The following MTUS2 variants were observed in gnomAD, a reference collection of about 807,000 sequenced individuals.
MTUS2 encodes the protein microtubule associated scaffold protein 2.
MTUS2 carries 40 observed loss-of-function variants against 114.1 expected under a neutral mutation model. That is an observed-to-expected ratio of 0.35 (90% CI 0.27 to 0.46). The LOEUF (loss-of-function observed/expected upper bound fraction) is 0.46. MTUS2 is among the 20% of genes least tolerant of loss of function. MTUS2 has a pLI of 1.00. For synonymous variants in MTUS2, 688 were observed against 672.0 expected (o/e 1.02, Z -0.37); for missense variants, 1,679 against 1,705.4 (o/e 0.98, Z 0.27).
chr13:28,826,256 C>G (rs1282498328), intron 1 of MTUS2, among the ~76,000 whole-genome samples: 1 of 151,856 alleles, frequency 6.6e-6, no homozygotes, highest in East Asian at 1.9e-4. Context: ...GTAAATAAAT[C>G]AATAAATTTA....
At chr13:29,194,913 C>T (rs1894614970) in intron 5 of MTUS2, among the ~76,000 whole-genome samples, 1 of 148,696 alleles carries the variant, frequency 6.7e-6, no homozygotes, top group Non-Finnish European at 1.5e-5. Flanking sequence ...TACTATGCAG[C>T]CATAAAAAAT....
intron 4 of MTUS2, among the ~76,000 whole-genome samples, chr13:29,058,895 T>G (rs376862590): frequency 1.3e-5 from 2 of 152,182 alleles, no homozygotes. Context: ...TTGAAGTGAA[T>G]TTTTCAGCTT....
intron 6 of MTUS2, among the ~76,000 whole-genome samples, chr13:29,287,798 G>C (rs1353873619): frequency 1.3e-5 from 2 of 152,210 alleles, no homozygotes; most frequent in African/African-American, 4.8e-5. Context: ...TCAGTGATGA[G>C]GTTAGCGGGT....
intron 7 of MTUS2, among the ~76,000 whole-genome samples, chr13:29,350,154 T>G (rs928254903): frequency 1.3e-5 from 2 of 152,106 alleles, no homozygotes; most frequent in African/African-American, 4.8e-5. Flanking sequence ...TAACATTTAT[T>G]TACTAACTTA....
chr13:29,484,845 G>A (rs1195875418), intron 10 of MTUS2: 2 of 152,254 alleles, frequency 1.3e-5, no homozygotes, highest in African/African-American at 4.8e-5. Flanking sequence ...GCTAAATGAA[G>A]TCAACCCACA....
At chr13:29,466,967 A>T (rs1879939789) in intron 9 of MTUS2, among the ~76,000 whole-genome samples, 1 of 152,164 alleles carries the variant, frequency 6.6e-6, no homozygotes, top group Admixed American at 6.5e-5. Flanking sequence ...ACCTAAAAAA[A>T]AAAGGAATAA....
intron 5 of MTUS2, among the ~76,000 whole-genome samples, chr13:29,121,988 C>T (rs1232420635): frequency 6.6e-6 from 1 of 152,116 alleles, no homozygotes; most frequent in Non-Finnish European, 1.5e-5. Flanking sequence ...AACCTCACTT[C>T]TCGCTGTATT....
chr13:28,858,041 G>A (rs1259714306), intron 2 of MTUS2, among the ~76,000 whole-genome samples: 1 of 152,182 alleles, frequency 6.6e-6, no homozygotes, highest in Non-Finnish European at 1.5e-5. Context: ...TGGTGCTCTG[G>A]ATATAAAGTA....
chr13:29,100,750 AATTTT>A lies in MTUS2; in HGVS notation c.2447-18_2447-14del, dbSNP rs1181145138. The A allele has an allele frequency of 6.5e-7, 1 of 1,547,022 alleles. No homozygotes were observed. The highest frequency in any genetic ancestry group is 8.7e-7 in the Non-Finnish European group (1 of 1,145,742). On this transcript the variant is annotated intron_variant, in intron 4 of 15. Transcript: ENST00000612955. ...CATTATGAACTGAGAATAATTTTTT[AATTTT>A]ATTTGGGTTCGTTTTAGCAGATTTA...
intron 5 of MTUS2, among the ~76,000 whole-genome samples, chr13:29,171,141 A>AGT (rs34538842): frequency 0.54 from 81,666 of 150,144 alleles, 22,275 homozygotes; most frequent in Non-Finnish European, 0.56. Context: ...AGAGAGAGAG[A>AGT]GTGTGTGTGT....
intron 5 of MTUS2, among the ~76,000 whole-genome samples, chr13:29,202,559 G>GT (rs891203908): frequency 6.6e-6 from 1 of 152,158 alleles, no homozygotes; most frequent in Admixed American, 6.5e-5. Context: ...CTGGCGAGGA[G>GT]TTGTGATCCT....
At chr13:29,115,722 A>C (rs7331007) in intron 5 of MTUS2, among the ~76,000 whole-genome samples, 30,406 of 152,158 alleles carry the variant, frequency 0.2, 3,204 homozygotes, top group Middle Eastern at 0.26. Flanking sequence ...GGAGAGGTGG[A>C]CTGGTAGCCA....
intron 2 of MTUS2, among the ~76,000 whole-genome samples, chr13:29,002,761 T>G (rs1885440510): frequency 6.6e-6 from 1 of 152,236 alleles, no homozygotes; most frequent in African/African-American, 2.4e-5. Flanking sequence ...TTTGATGCAC[T>G]CTTTCAGAAA....
chr13:29,330,655 C>T (rs113330228), intron 7 of MTUS2, among the ~76,000 whole-genome samples: 11,489 of 152,054 alleles, frequency 0.076, 1,373 homozygotes, highest in African/African-American at 0.25. Context: ...CTGCATATGG[C>T]GAGCCAGTTT....
At chr13:29,167,778 T>A (rs1374041429) in intron 5 of MTUS2, among the ~76,000 whole-genome samples, 4 of 152,068 alleles carry the variant, frequency 2.6e-5, no homozygotes, top group Non-Finnish European at 5.9e-5. Flanking sequence ...TTTTTCAGAT[T>A]TGGGATGCTC....
intron 2 of MTUS2, among the ~76,000 whole-genome samples, chr13:28,943,002 G>T (rs181679203): frequency 1.3e-5 from 2 of 152,166 alleles, no homozygotes; most frequent in African/African-American, 4.8e-5. Flanking sequence ...GAGTTAGAAG[G>T]TTACCATATC....
intron 5 of MTUS2, among the ~76,000 whole-genome samples, chr13:29,208,485 T>G (rs1223564480): frequency 6.6e-6 from 1 of 152,052 alleles, no homozygotes; most frequent in Non-Finnish European, 1.5e-5. Flanking sequence ...GTTTGGTTTT[T>G]TTTGTTTGTT....
intron 5 of MTUS2, among the ~76,000 whole-genome samples, chr13:29,234,497 C>T (rs1896457381): frequency 6.6e-6 from 1 of 152,118 alleles, no homozygotes; most frequent in South Asian, 2.1e-4. Context: ...CATGTTTCTA[C>T]CATTATTTAG....
At chr13:28,991,627 C>T (rs1884859605) in intron 2 of MTUS2, among the ~76,000 whole-genome samples, 1 of 152,162 alleles carries the variant, frequency 6.6e-6, no homozygotes, top group South Asian at 2.1e-4. Flanking sequence ...CTCGGCCTCC[C>T]AAAGTGCTGG....
Sources: gnomAD v4.1 joint callset for allele counts (sites outside exome capture counted in the v4.1 genomes callset) on GRCh38, gnomAD v4.1.1 for gene constraint, MANE v1.5 for transcripts, NCBI Gene and HGNC (gene_info 2026-07-23, HGNC 2026-07-21) for gene names.